The following LHPP variants were observed in gnomAD, a reference collection of about 807,000 sequenced individuals.
The protein encoded by LHPP is phospholysine phosphohistidine inorganic pyrophosphate phosphatase, also known as hLHPP.
In LHPP, 24 loss-of-function variants were observed where a neutral mutation model predicts 30.3. That is an observed-to-expected ratio of 0.79 (90% CI 0.57 to 1.11). The LOEUF (loss-of-function observed/expected upper bound fraction) is 1.11, where lower values mean the gene tolerates loss of function less well. LHPP is among the 50% of genes most tolerant of loss of function. The pLI, the probability that LHPP is intolerant of heterozygous loss-of-function variation, is 0.00. For synonymous variants in LHPP, 150 were observed against 157.1 expected (o/e 0.95, Z 0.34); for missense variants, 356 against 367.2 (o/e 0.97, Z 0.25).
At chr10:124,594,725 G>A (rs1328454434) in intron 6 of LHPP, among the ~76,000 whole-genome samples, 2 of 151,782 alleles carry the variant, frequency 1.3e-5, no homozygotes, top group Non-Finnish European at 2.9e-5. Context: ...CTGCCTCCTG[G>A]GTCCAAGCAA....
At chr10:124,574,781 C>T (rs1334354940) in intron 6 of LHPP, among the ~76,000 whole-genome samples, 3 of 152,062 alleles carry the variant, frequency 2.0e-5, no homozygotes, top group South Asian at 2.1e-4. Flanking sequence ...GGAGAGGGGC[C>T]GCCATCCTGA....
intron 1 of LHPP, among the ~76,000 whole-genome samples, chr10:124,479,847 G>C (rs1025822793): frequency 1.1e-4 from 16 of 152,224 alleles, no homozygotes; most frequent in African/African-American, 3.9e-4. Context: ...CCTTGGTCAG[G>C]TCTCTGTCTC....
chr10:124,545,585 C>T (rs377708204), intron 6 of LHPP, among the ~76,000 whole-genome samples: 3 of 152,246 alleles, frequency 2.0e-5, no homozygotes, highest in Admixed American at 2.0e-4. Context: ...GCAGCTGCTC[C>T]CAGGTAGCAG....
intron 6 of LHPP, among the ~76,000 whole-genome samples, chr10:124,612,555 C>G (rs1412189434): frequency 1.3e-5 from 2 of 152,214 alleles, no homozygotes; most frequent in Non-Finnish European, 2.9e-5. Context: ...CACAAAGTCC[C>G]CTGGCAGGGC....
At chr10:124,606,553 C>T (rs1417065739) in intron 6 of LHPP, among the ~76,000 whole-genome samples, 2 of 152,360 alleles carry the variant, frequency 1.3e-5, no homozygotes, top group South Asian at 2.1e-4. Flanking sequence ...ACGCCAACTT[C>T]GTGTGCAGTC....
Position 124,576,373 on chromosome 10 carries a change from C to A in LHPP, c.717-36891C>A, listed in dbSNP as rs1389405472. Reference sequence around the variant, plus strand: ...GGCCAGACCCCACTTCAGGGGTTGCCCCCAGGACCCCCCTTGCGGTACCCG... The same window carrying A: ...GGCCAGACCCCACTTCAGGGGTTGCACCCAGGACCCCCCTTGCGGTACCCG... On this transcript the variant is annotated intron_variant, in intron 6 of 6. Coordinates refer to ENST00000368842, the MANE Select transcript of LHPP (RefSeq NM_022126.4). The surrounding 1 kb of genome is among the most constrained non-coding windows in gnomAD (Gnocchi z 4.2). 6.6e-6 allele frequency among the ~76,000 whole-genome samples: 1 copy of A among 151,910 alleles called. No individual in the cohort carries two copies. Among genetic ancestry groups the A allele is most frequent in the Non-Finnish European group, 1.5e-5 (1 of 67,950 alleles).
intron 1 of LHPP, among the ~76,000 whole-genome samples, chr10:124,469,051 C>T (rs1048558984): frequency 3.3e-5 from 5 of 152,220 alleles, no homozygotes; most frequent in African/African-American, 1.2e-4. Context: ...GTCTGTGTGG[C>T]CTGCAGCCAC....
intron 6 of LHPP, among the ~76,000 whole-genome samples, chr10:124,609,597 A>C (rs1407244165): frequency 1.3e-5 from 2 of 152,200 alleles, no homozygotes; most frequent in East Asian, 3.8e-4. Context: ...AAAGTGCTCT[A>C]AAAGTGAAGA....
intron 1 of LHPP, among the ~76,000 whole-genome samples, chr10:124,464,948 G>A (rs1952515309): frequency 1.3e-5 from 2 of 152,210 alleles, no homozygotes; most frequent in South Asian, 4.1e-4. Context: ...CAGTAGGGGA[G>A]TATTAGGGTC....
intron 5 of LHPP, among the ~76,000 whole-genome samples, chr10:124,506,184 G>A (rs1221752529): frequency 6.6e-6 from 1 of 152,006 alleles, no homozygotes; most frequent in Admixed American, 6.6e-5. Context: ...GGGAGGCAGG[G>A]GTTGCAGTGA....
chr10:124,515,925 G>A (rs1167262091), intron 5 of LHPP, among the ~76,000 whole-genome samples: 3 of 152,202 alleles, frequency 2.0e-5, no homozygotes, highest in Non-Finnish European at 4.4e-5. Context: ...GTACTTGAGG[G>A]GACCCTCCAC....
rs558554684 is a variant in LHPP, at chr10:124,528,922, C to G, written c.716+11651C>G. On this transcript the variant is annotated intron_variant, in intron 6 of 6. Coordinates refer to ENST00000368842, the MANE Select transcript of LHPP (RefSeq NM_022126.4). ...CGTCAGGGATCTCTGCTCTGTTGGT[C>G]CCCTGGAGTGGCCCTGGGGCCACCA... 2.6e-4 allele frequency among the ~76,000 whole-genome samples: 39 copies of G among 152,202 alleles called. 1 individual carries two copies. In the South Asian group the frequency reaches 8.1e-3, roughly 32 times the overall value.
intron 6 of LHPP, among the ~76,000 whole-genome samples, chr10:124,572,546 G>A (rs189897974): frequency 0.032 from 4,830 of 151,964 alleles, 106 homozygotes; most frequent in South Asian, 0.058. Context: ...CAGGAGAATC[G>A]CTTGAACCCA....
chr10:124,479,068 CAAAAAAA>C (rs55880798), intron 1 of LHPP, among the ~76,000 whole-genome samples: 1 of 135,224 alleles, frequency 7.4e-6, no homozygotes, highest in Non-Finnish European at 1.6e-5. Context: ...GACTCTGTCT[CAAAAAAA>C]AAAAAAAAAA....
In LHPP at chr10:124,561,856, C is replaced by T. The variant is rs112449566; in HGVS notation, c.716+44585C>T. On this transcript the variant is annotated intron_variant, in intron 6 of 6. Coordinates refer to ENST00000368842, the MANE Select transcript of LHPP (RefSeq NM_022126.4). The stretch of plus-strand genomic sequence containing the variant: ...CCTGTCATGCTAAGAACCAAGGAAA[C>T]CCCAACATGAATAAGAAGAGAAGAC... Among the ~76,000 whole-genome samples, 222 of 152,238 alleles carry T rather than the reference C, an allele frequency of 1.5e-3. 2 individuals carry two copies. Among genetic ancestry groups the T allele is most frequent in the African/African-American group, 4.9e-3 (202 of 41,530 alleles).
chr10:124,600,242 C>A (rs1185165153), intron 6 of LHPP, among the ~76,000 whole-genome samples: 1 of 152,230 alleles, frequency 6.6e-6, no homozygotes, highest in African/African-American at 2.4e-5. Flanking sequence ...TCCTGGGTTG[C>A]TGGTTTGGCG....
chr10:124,494,769 T>C (rs1953654916), intron 3 of LHPP, among the ~76,000 whole-genome samples: 1 of 152,184 alleles, frequency 6.6e-6, no homozygotes, highest in Admixed American at 6.5e-5. Flanking sequence ...TCAAGCAGAC[T>C]GCCCCTCCCC....
At chr10:124,465,921 G>A (rs1461839937) in intron 1 of LHPP, among the ~76,000 whole-genome samples, 1 of 152,168 alleles carries the variant, frequency 6.6e-6, no homozygotes, top group African/African-American at 2.4e-5. Context: ...TGACAAAATT[G>A]GCCAAAATCC....
chr10:124,490,472 T>A (rs1589784528), intron 3 of LHPP: 1 of 338,338 alleles, frequency 3.0e-6, no homozygotes, highest in East Asian at 7.9e-5. Context: ...CATTCTCATC[T>A]GCCAGCTCCG....
Sources: allele counts gnomAD v4.1 joint callset (sites outside exome capture counted in the v4.1 genomes callset), GRCh38; gene constraint gnomAD v4.1.1; non-coding constraint Gnocchi (gnomAD v3.1); transcripts MANE v1.5; gene names NCBI Gene and HGNC (gene_info 2026-07-23, HGNC 2026-07-21).